Variants in RBM33 observed in about 807,000 individuals in gnomAD.
RBM33 encodes RNA-binding protein 33.
RBM33 carries 28 observed loss-of-function variants against 132.6 expected under a neutral mutation model. The observed-to-expected ratio is 0.21, with a 90% CI of 0.16 to 0.29. The LOEUF is 0.29. RBM33 is among the 10% of genes least tolerant of loss of function. The pLI is 1.00. For missense variants in RBM33, 1,291 were observed against 1,518.5 expected (o/e 0.85, Z 2.49); for synonymous variants, 634 against 593.0 (o/e 1.07, Z -1.01).
At position 155,774,847 on chromosome 7, in the gene RBM33, A is replaced by C; in HGVS notation, c.3465-146A>C. 2.5e-6 allele frequency: 2 copies of C among 798,110 alleles called. No individual in the cohort carries two copies. Among genetic ancestry groups the C allele is most frequent in the Non-Finnish European group, 4.1e-6 (2 of 483,378 alleles). 49.4% of individuals were successfully genotyped at this position (798,110 alleles called of 1,614,324 possible). ...GGTGGAGAATTGCCCCTTGTGTTTT[A>C]ATAGATCTTCCCGGGGAATCTGCCT... On this transcript the variant is annotated intron_variant, in intron 17 of 17. Transcript: ENST00000401878. The surrounding 1 kb of genome is among the most constrained non-coding windows in gnomAD (Gnocchi z 4.2).
intron 8 of RBM33, among the ~76,000 whole-genome samples, chr7:155,715,884 T>G (rs1303159024): frequency 1.3e-5 from 2 of 152,224 alleles, no homozygotes; most frequent in Non-Finnish European, 2.9e-5. Flanking sequence ...TGAAAGGTGC[T>G]TTTTAAAAAA....
In RBM33 at chr7:155,745,550, G is replaced by A. The variant is rs1473543457; in HGVS notation, c.2927G>A (p.Gly976Glu). The change falls in exon 14 of 18, where the codon GGA (glycine) becomes GAA (glutamate). Residue 976 changes from glycine to glutamate, a missense_variant. Transcript: ENST00000401878. This position sits in a 1 kb window ranked among gnomAD's most constrained non-coding sequence, Gnocchi z 4.1. ...ACGCACAGGACAAACAGTGGTGGTGGAGACGGGCCCCACATCAGCTCCAAG... is the reference window on the plus strand; with the variant it reads ...ACGCACAGGACAAACAGTGGTGGTGAAGACGGGCCCCACATCAGCTCCAAG... ...TVTHRTNSGG[G>E]DGPHISSKVR... 6.2e-7 allele frequency: 1 copy of A among 1,610,262 alleles called. No individual in the cohort carries two copies. Among genetic ancestry groups the A allele is most frequent in the Non-Finnish European group, 8.5e-7 (1 of 1,178,168 alleles).
intron 5 of RBM33, among the ~76,000 whole-genome samples, chr7:155,692,812 T>C (rs914448929): frequency 6.6e-6 from 1 of 152,226 alleles, no homozygotes; most frequent in Non-Finnish European, 1.5e-5. Flanking sequence ...AATTCCACTT[T>C]AACAAATTTA....
chr7:155,692,349 A>C (rs1014002553), intron 5 of RBM33, among the ~76,000 whole-genome samples: 3 of 152,186 alleles, frequency 2.0e-5, no homozygotes, highest in African/African-American at 7.2e-5. Context: ...ATTTAGCTGC[A>C]GGTTTTGTGA....
Position 155,755,241 on chromosome 7 carries a change from T to C in RBM33, c.2980-8571T>C, listed in dbSNP as rs569674496. Among the ~76,000 whole-genome samples the C allele has an allele frequency of 1.2e-4, 19 of 152,320 alleles. No homozygotes were observed. The South Asian group carries it at 1.4e-3, about 12-fold the overall frequency. On this transcript the variant is annotated intron_variant, in intron 14 of 17. Transcript: ENST00000401878. ...TTGGCGGTGACAGTGAAGTATGGCC[T>C]TATCGAAAGGAGAATTCATAAGAGG...
In RBM33 at chr7:155,741,936, A is replaced by G. The variant is rs559007917; in HGVS notation, c.2167A>G (p.Ser723Gly). 1,245 of 1,614,046 alleles carry G rather than the reference A, an allele frequency of 7.7e-4. 19 individuals are homozygous for G. The South Asian group carries it at 0.013, about 17-fold the overall frequency. ...GCCGTCACACGTGATAGAAATGAGC[A>G]GCAGCCGCTGCTCTGCCACGCCCTC... ...IAPSHVIEMSSSRCSATPSAQ... is the reference protein window; with the variant it reads ...IAPSHVIEMSGSRCSATPSAQ... The change falls in exon 13 of 18, where the codon AGC becomes GGC. Residue 723 changes from serine to glycine, a missense_variant. Physicochemically the swap from Ser to Gly is moderately conservative, Grantham distance 56 (BLOSUM62 0). This residue lies in a region of RBM33 where 841 missense variants were observed against 912.0 expected (regional missense o/e 0.92). Coordinates refer to ENST00000401878, the MANE Select transcript of RBM33 (RefSeq NM_053043.3).
At position 155,738,043 on chromosome 7, in the gene RBM33, G is replaced by C; in HGVS notation, c.1394-17G>C. 1 of 1,600,194 alleles carries C rather than the reference G, an allele frequency of 6.2e-7. No individual in the cohort carries two copies. Among genetic ancestry groups the C allele is most frequent in the Non-Finnish European group, 8.5e-7 (1 of 1,169,756 alleles). On this transcript the variant is annotated splice_polypyrimidine_tract_variant and intron_variant, in intron 10 of 17. Coordinates refer to ENST00000401878, the MANE Select transcript of RBM33 (RefSeq NM_053043.3). Reference sequence around the variant, plus strand: ...GTCTTTTTAACCTGAAGTTAATGATGTTGTGTTACCTTTCAGTTTCAGGTG... The same window carrying C: ...GTCTTTTTAACCTGAAGTTAATGATCTTGTGTTACCTTTCAGTTTCAGGTG...
At position 155,774,791 on chromosome 7, in the gene RBM33, AT is replaced by A. The variant is rs1802548997; in HGVS notation, c.3464+145del. ...ACTAGGGCACAAAGCGCAGACGGTGATCCTGTCATGAGGCGCGCGTCCTTTT... is the reference window on the plus strand; with the variant it reads ...ACTAGGGCACAAAGCGCAGACGGTGACCTGTCATGAGGCGCGCGTCCTTTT... On this transcript the variant is annotated intron_variant, in intron 17 of 17. Transcript: ENST00000401878. This position sits in a 1 kb window ranked among gnomAD's most constrained non-coding sequence, Gnocchi z 4.2. The A allele has an allele frequency of 2.4e-6, 2 of 822,170 alleles. No homozygotes were observed. Among genetic ancestry groups the A allele is most frequent in the African/African-American group, 3.4e-5 (2 of 58,966 alleles). The allele number at this position is 822,170 out of a possible 1,614,324, so 50.9% of individuals were successfully genotyped here. A position where few individuals can be genotyped will look rare whatever the true frequency, so the allele number is the denominator to read the frequency against.
At chr7:155,687,929 T>G (rs1440131977) in intron 5 of RBM33, among the ~76,000 whole-genome samples, 1 of 152,252 alleles carries the variant, frequency 6.6e-6, no homozygotes, top group Non-Finnish European at 1.5e-5. Context: ...AGATTTGTTC[T>G]TTTAGCTTAG....
chr7:155,703,067 A>G (rs911728499), intron 6 of RBM33, among the ~76,000 whole-genome samples: 1 of 151,758 alleles, frequency 6.6e-6, no homozygotes, highest in African/African-American at 2.4e-5. Context: ...CAGCTGCGTT[A>G]TCTCATCCCT....
chr7:155,743,990 A>G (rs1251733820), intron 13 of RBM33, among the ~76,000 whole-genome samples: 1 of 152,190 alleles, frequency 6.6e-6, no homozygotes, highest in Non-Finnish European at 1.5e-5. Flanking sequence ...ATGTGATATT[A>G]GAGAACAGAG....
intron 16 of RBM33, among the ~76,000 whole-genome samples, chr7:155,770,142 C>T (rs867152941): frequency 3.3e-5 from 5 of 152,154 alleles, no homozygotes; most frequent in Admixed American, 6.5e-5. Context: ...AGAGCCCAAA[C>T]GTTGAAATTC....
chr7:155,664,419 C>A (rs1250157896), intron 1 of RBM33, among the ~76,000 whole-genome samples: 1 of 151,570 alleles, frequency 6.6e-6, no homozygotes, highest in African/African-American at 2.4e-5. Flanking sequence ...CACCTCCGTG[C>A]CTGGCTGATT....
At chr7:155,657,818 G>C (rs1021341581) in intron 1 of RBM33, among the ~76,000 whole-genome samples, 16 of 152,182 alleles carry the variant, frequency 1.1e-4, no homozygotes, top group African/African-American at 3.9e-4. Flanking sequence ...CATAGATAGG[G>C]AATGCTCCTT....
intron 1 of RBM33, among the ~76,000 whole-genome samples, chr7:155,645,624 A>G (rs1342927211): frequency 6.6e-6 from 1 of 152,234 alleles, no homozygotes; most frequent in Non-Finnish European, 1.5e-5. Context: ...TATCTCTAAA[A>G]AATTGTAGGT....
intron 9 of RBM33, among the ~76,000 whole-genome samples, chr7:155,721,493 A>C (rs967874303): frequency 2.0e-5 from 3 of 152,206 alleles, no homozygotes; most frequent in Non-Finnish European, 2.9e-5. Flanking sequence ...GCATTTAACT[A>C]TACAAGAATG....
At chr7:155,725,207 T>C in intron 9 of RBM33, among the ~76,000 whole-genome samples, 1 of 76,688 alleles carries the variant, frequency 1.3e-5, no homozygotes. Context: ...TTAGTTGTTT[T>C]TTTTTTTTTT....
At chr7:155,657,077 A>G (rs1027203949) in intron 1 of RBM33, among the ~76,000 whole-genome samples, 15 of 151,488 alleles carry the variant, frequency 9.9e-5, no homozygotes, top group Admixed American at 4.6e-4. Flanking sequence ...CTTCATTTGT[A>G]TTCATATTTT....
At chr7:155,740,679 G>A (rs1801302138) in intron 12 of RBM33, among the ~76,000 whole-genome samples, 1 of 152,244 alleles carries the variant, frequency 6.6e-6, no homozygotes, top group Admixed American at 6.5e-5. Flanking sequence ...CACAGTCATT[G>A]CCCTTGTCCT....
Sources: gnomAD v4.1 joint callset for allele counts (sites outside exome capture counted in the v4.1 genomes callset) on GRCh38, gnomAD v4.1.1 for gene constraint, gnomAD v4.1.1 regional missense constraint, Gnocchi (gnomAD v3.1) non-coding constraint, MANE v1.5 for transcripts, NCBI Gene and HGNC (gene_info 2026-07-23, HGNC 2026-07-21) for gene names.